VANGL1: variants seen among roughly 807,000 people sequenced by gnomAD.
VANGL1 encodes VANGL planar cell polarity protein 1.
In VANGL1, 18 loss-of-function variants were observed where a neutral mutation model predicts 48.4. The observed-to-expected ratio is 0.37, with a 90% CI of 0.26 to 0.55. The LOEUF (loss-of-function observed/expected upper bound fraction) is 0.55. VANGL1 is among the 20% of genes least tolerant of loss of function. The pLI is 0.81. For synonymous variants in VANGL1, 257 were observed against 261.8 expected (o/e 0.98, Z 0.18); for missense variants, 667 against 675.8 (o/e 0.99, Z 0.14).
chr1:115,649,537 G>A (rs935853879), intron 1 of VANGL1, among the ~76,000 whole-genome samples: 1 of 152,184 alleles, frequency 6.6e-6, no homozygotes, highest in Non-Finnish European at 1.5e-5. Flanking sequence ...CAAGCATTTC[G>A]GAACCCGCAA....
intron 2 of VANGL1, among the ~76,000 whole-genome samples, chr1:115,654,957 A>T (rs1322917698): frequency 6.6e-6 from 1 of 152,232 alleles, no homozygotes. Flanking sequence ...TTTTGGGCCA[A>T]CCTTGTTTCT....
intron 4 of VANGL1, among the ~76,000 whole-genome samples, chr1:115,675,246 A>T (rs899087443): frequency 1.3e-5 from 2 of 152,214 alleles, no homozygotes; most frequent in Non-Finnish European, 2.9e-5. Context: ...TCACACCTGT[A>T]ATCCTAGCAC....
intron 4 of VANGL1, among the ~76,000 whole-genome samples, chr1:115,677,506 A>C (rs549153146): frequency 1.3e-5 from 2 of 152,222 alleles, no homozygotes; most frequent in African/African-American, 2.4e-5. Context: ...CAGGAGTTCA[A>C]GTTTGGACCA....
rs1652684196 is a variant in VANGL1 at position 115,664,149 on chromosome 1, C to G, written c.693C>G (p.Leu231=). ...CAGTCTCCCTTGTGGATGCCCTCCT[C>G]TTCATCCATTACCTGGCCATCGTCC... ...QYAVSLVDAL[L]FIHYLAIVLL... Residue 231 remains leucine (L), a synonymous_variant, in exon 4 of 8, where the codon CTC becomes CTG. Transcript: ENST00000355485. 1.9e-6 allele frequency: 3 copies of G among 1,614,206 alleles called. No homozygotes were observed. In the South Asian group the frequency reaches 3.3e-5, roughly 18 times the overall value.
chr1:115,684,601 G>A (rs1034802782), intron 6 of VANGL1, among the ~76,000 whole-genome samples: 2 of 152,198 alleles, frequency 1.3e-5, no homozygotes, highest in African/African-American at 4.8e-5. Flanking sequence ...CAGGCAGCAG[G>A]TTCTGGGCCC....
intron 4 of VANGL1, among the ~76,000 whole-genome samples, chr1:115,671,913 G>A (rs1652991039): frequency 6.6e-6 from 1 of 152,240 alleles, no homozygotes; most frequent in Non-Finnish European, 1.5e-5. Context: ...CTCAGGAGGA[G>A]ACCAGCAGTG....
chr1:115,669,489 TGTGGGAGGGACCCA>T (rs1652899244), intron 4 of VANGL1, among the ~76,000 whole-genome samples: 1 of 152,318 alleles, frequency 6.6e-6, no homozygotes, highest in Non-Finnish European at 1.5e-5. Flanking sequence ...TCCCACATGT[TGTGGGAGGGACCCA>T]GTGGGAGTTC....
intron 4 of VANGL1, among the ~76,000 whole-genome samples, chr1:115,664,660 T>G (rs1652704586): frequency 6.6e-6 from 1 of 152,210 alleles, no homozygotes; most frequent in African/African-American, 2.4e-5. Context: ...GTTTACCATG[T>G]TGTCCCAGTG....
chr1:115,649,192 C>A (rs945799066), intron 1 of VANGL1, among the ~76,000 whole-genome samples: 13 of 152,110 alleles, frequency 8.5e-5, no homozygotes, highest in Non-Finnish European at 1.5e-5. Flanking sequence ...GATGACTCAG[C>A]CCTTGAAGTC....
chr1:115,686,526 CT>C (rs1024638959), intron 7 of VANGL1, among the ~76,000 whole-genome samples: 37 of 151,966 alleles, frequency 2.4e-4, no homozygotes, highest in African/African-American at 8.9e-4. Flanking sequence ...AGGAGGCAAA[CT>C]AGAGTAAAGA....
intron 4 of VANGL1, among the ~76,000 whole-genome samples, chr1:115,681,503 G>GTTTTTTTTTTTTTTTTTTTTTT (rs368388367): frequency 1.7e-5 from 2 of 114,880 alleles, no homozygotes; most frequent in African/African-American, 3.2e-5. Flanking sequence ...TTTTTTTGTT[G>GTTTTTTTTTTTTTTTTTTTTTT]TTTTTTTTGT....
rs375438279 is a variant in VANGL1, at chr1:115,659,595, G to A, written c.72-46G>A. 138 of 1,612,636 alleles carry A rather than the reference G, an allele frequency of 8.6e-5. 1 individual carries two copies. Among genetic ancestry groups the A allele is most frequent in the Middle Eastern group, 8.2e-4 (5 of 6,062 alleles). The stretch of plus-strand genomic sequence containing the variant: ...ACTTACATTTTGATAAACCCAGAGA[G>A]TTAATTAACATGGCATAAATGTGCT... On this transcript the variant is annotated intron_variant, in intron 2 of 7. Transcript: ENST00000355485.
chr1:115,659,685 G>A lies in VANGL1; in HGVS notation c.116G>A (p.Gly39Asp). 1 of 1,614,132 alleles carries A rather than the reference G, an allele frequency of 6.2e-7. No individual in the cohort carries two copies. Among genetic ancestry groups the A allele is most frequent in the East Asian group, 2.2e-5 (1 of 44,886 alleles). ...CACAAGTCACCCCGGAATAAAGACG[G>A]CAGAGGGTCAGAAAAGTCTGTCACC... ...ERHKSPRNKD[G>D]RGSEKSVTIQ... Residue 39 changes from glycine to aspartate, a missense_variant, in exon 3 of 8, where the codon GGC (glycine) becomes GAC (aspartate). Transcript: ENST00000355485.
rs2101042136 is a variant in VANGL1, at chr1:115,692,295, ACCAAC to A, written c.*918_*922del. The A allele has an allele frequency of 6.5e-6, 1 of 152,874 alleles. No homozygotes were observed. The highest frequency in any genetic ancestry group is 2.1e-4 in the South Asian group (1 of 4,820). The allele number at this position is 152,874 out of a possible 1,614,324, so 9.5% of individuals were successfully genotyped here. On this transcript the variant is annotated 3_prime_UTR_variant, in exon 8 of 8. Transcript: ENST00000355485. ...CCAGTTTTCCTCCCCACTGTTCTAC[ACCAAC>A]CAGGGGAGACTAACACTGTGACTCT...
At chr1:115,682,259 CT>C in intron 4 of VANGL1, 104 bp from the exon 5 acceptor site, 1 of 1,467,010 alleles carries the variant, frequency 6.8e-7, no homozygotes, top group Non-Finnish European at 9.3e-7. Context: ...ATGAGATTAT[CT>C]TTGATGTTGT....
chr1:115,674,660 GA>G lies in VANGL1; in HGVS notation c.813-7701del, dbSNP rs1284062223. 1.8e-4 allele frequency among the ~76,000 whole-genome samples: 28 copies of G among 152,184 alleles called. 1 individual carries two copies. Among genetic ancestry groups the G allele is most frequent in the Admixed American group, 1.8e-3 (28 of 15,284 alleles). Reference sequence around the variant, plus strand: ...TACTTTGACATTTTCCACGTGTGAAGAAAGCTGTTTTTATTGACCTAGCTGA... The same window carrying G: ...TACTTTGACATTTTCCACGTGTGAAGAAGCTGTTTTTATTGACCTAGCTGA... On this transcript the variant is annotated intron_variant, in intron 4 of 7. Transcript: ENST00000355485.
In VANGL1 at chr1:115,687,938, G is replaced by GTAGGTAGATAGATAGA. The variant is rs756946644; in HGVS notation, c.1314+2414_1314+2415insGTAGATAGATAGATAG. On this transcript the variant is annotated intron_variant, in intron 7 of 7. Coordinates refer to ENST00000355485, the MANE Select transcript of VANGL1 (RefSeq NM_138959.3). ...CCGGCCTATATATATCATTCATTAG[G>GTAGGTAGATAGATAGA]TAGATAGATAGATAGATAGATAGAT... Among the ~76,000 whole-genome samples the GTAGGTAGATAGATAGA allele has an allele frequency of 3.7e-4, 42 of 112,706 alleles. 5 individuals carry two copies. The highest frequency in any genetic ancestry group is 5.7e-4 in the African/African-American group (16 of 28,316). 73.9% of individuals were successfully genotyped at this position (112,706 alleles called of 152,430 possible).
rs573360049 is a variant in VANGL1, at chr1:115,678,456, GA to G, written c.813-3902del. 2.2e-3 allele frequency among the ~76,000 whole-genome samples: 330 copies of G among 152,268 alleles called. 2 individuals are homozygous for G. The highest frequency in any genetic ancestry group is 7.3e-3 in the African/African-American group (303 of 41,556). On this transcript the variant is annotated intron_variant, in intron 4 of 7. Transcript: ENST00000355485. ...GATAGCAGTAGTGAGGGAGAATGTGGAAAAAATGTAAACAAAACAGCCTCAC... is the reference window on the plus strand; with the variant it reads ...GATAGCAGTAGTGAGGGAGAATGTGGAAAAATGTAAACAAAACAGCCTCAC...
At chr1:115,657,843 C>G (rs112890779) in intron 2 of VANGL1, among the ~76,000 whole-genome samples, 4,027 of 152,264 alleles carry the variant, frequency 0.026, 191 homozygotes, top group African/African-American at 0.092. Context: ...AGGAAGCTTA[C>G]AGTCATGGCA....
Sources: gnomAD v4.1 joint callset for allele counts (sites outside exome capture counted in the v4.1 genomes callset) on GRCh38, gnomAD v4.1.1 for gene constraint, MANE v1.5 for transcripts, NCBI Gene and HGNC (gene_info 2026-07-23, HGNC 2026-07-21) for gene names.